The following TBC1D10B variants were observed in gnomAD, a reference collection of about 807,000 sequenced individuals.
TBC1D10B encodes the protein Rab27A-GAPbeta.
In TBC1D10B, 25 loss-of-function variants were observed where a neutral mutation model predicts 78.4. That is an observed-to-expected ratio of 0.32 (90% CI 0.23 to 0.45). The LOEUF (loss-of-function observed/expected upper bound fraction) is 0.45, where lower values mean the gene tolerates loss of function less well. TBC1D10B is among the 20% of genes least tolerant of loss of function. The probability of loss-of-function intolerance (pLI) is 1.00; values close to 1 mark genes in which losing one functional copy is unlikely to be tolerated. For missense variants in TBC1D10B, 996 were observed against 1,104.8 expected, an observed-to-expected ratio of 0.90 and a Z score of 1.40; for synonymous variants, 517 against 478.0, an observed-to-expected ratio of 1.08 and a Z score of -1.06.
In TBC1D10B at chr16:30,358,452, C is replaced by T. The variant is rs751571876; in HGVS notation, c.1919G>A (p.Arg640Gln). The T allele has an allele frequency of 1.3e-5, 20 of 1,590,960 alleles. No individual in the cohort carries two copies. Among genetic ancestry groups the T allele is most frequent in the Middle Eastern group, 1.7e-4 (1 of 6,030 alleles). ...CCGCCGGCGCTCCTCGTGGATGGCC[C>T]GGGACCCATGCAGTCGCCGTGAGGG... ...YRPSRRLHGS[R>Q]AIHEERRRQQ... The change falls in exon 9 of 9, where the codon CGG becomes CAG. Residue 640 changes from arginine (R) to glutamine (Q), a missense_variant. Arg to Gln is a conservative substitution (Grantham distance 43). Transcript: ENST00000409939.
In TBC1D10B at chr16:30,369,089, C is replaced by A. The variant is rs1196383014; in HGVS notation, c.956+139G>T. ...GCACCTCAGGATGCTCAAGACACGG[C>A]AGCTCGCGCTGATCACCCCGTGGAT... is the stretch of plus-strand genomic sequence containing the variant. On this transcript the variant is annotated intron_variant, in intron 1 of 8. Coordinates refer to ENST00000409939, the MANE Select transcript of TBC1D10B (RefSeq NM_015527.4). This position sits in a 1 kb window ranked among gnomAD's most constrained non-coding sequence, Gnocchi z 4.3. 7.9e-6 allele frequency: 7 copies of A among 885,360 alleles called. No individual in the cohort carries two copies. Among genetic ancestry groups the A allele is most frequent in the Admixed American group, 2.9e-5 (1 of 34,078 alleles). The allele number at this position is 885,360 out of a possible 1,614,324, so 54.8% of individuals were successfully genotyped here. A position where few individuals can be genotyped will look rare whatever the true frequency, so the allele number is the denominator to read the frequency against.
Position 30,369,746 on chromosome 16 carries a change from T to C in TBC1D10B, c.438A>G (p.Pro146=). The C allele has an allele frequency of 1.4e-6, 2 of 1,462,274 alleles. No individual in the cohort carries two copies. Among genetic ancestry groups the C allele is most frequent in the Non-Finnish European group, 1.8e-6 (2 of 1,104,626 alleles). 90.6% of individuals were successfully genotyped at this position (1,462,274 alleles called of 1,614,324 possible). The part of the protein sequence containing the change: ...EEARPSPAPG[P]GTPTGTPTRT... Reference sequence around the variant, plus strand: ...TGGTAGGGGTCCCGGTGGGGGTCCCTGGTCCTGGGGCGGGTGAGGGTCGAG... The same window carrying C: ...TGGTAGGGGTCCCGGTGGGGGTCCCCGGTCCTGGGGCGGGTGAGGGTCGAG... Residue 146 remains proline, a synonymous_variant, in exon 1 of 9, where the codon CCA becomes CCG. Coordinates refer to ENST00000409939, the MANE Select transcript of TBC1D10B (RefSeq NM_015527.4). The surrounding 1 kb of genome is among the most constrained non-coding windows in gnomAD (Gnocchi z 4.3).
Position 30,359,733 on chromosome 16 carries a change from A to T in TBC1D10B, c.1380T>A (p.Pro460=). 1 of 1,581,732 alleles carries T rather than the reference A, an allele frequency of 6.3e-7. No homozygotes were observed. Among genetic ancestry groups the T allele is most frequent in the South Asian group, 1.2e-5 (1 of 86,550 alleles). ...CCAGGACCAGGGCGCTGACCTCCGC[A>T]GGCATGTGCATGAGCAGGACCGCAG... The part of the protein sequence containing the change: ...PVAAVLLMHM[P]AEQAFWCLVQ... Residue 460 remains proline, a synonymous_variant, in exon 5 of 9, where the codon CCT becomes CCA. Coordinates refer to ENST00000409939, the MANE Select transcript of TBC1D10B (RefSeq NM_015527.4).
Position 30,365,708 on chromosome 16 carries a change from G to T in TBC1D10B, c.957-114C>A. 1 of 984,760 alleles carries T rather than the reference G, an allele frequency of 1.0e-6. No individual in the cohort carries two copies. The highest frequency in any genetic ancestry group is 1.6e-6 in the Non-Finnish European group (1 of 639,822). The allele number at this position is 984,760 out of a possible 1,614,324, so 61.0% of individuals were successfully genotyped here. On this transcript the variant is annotated intron_variant, in intron 1 of 8. Coordinates refer to ENST00000409939, the MANE Select transcript of TBC1D10B (RefSeq NM_015527.4). This position sits in a 1 kb window ranked among gnomAD's most constrained non-coding sequence, Gnocchi z 5.0. ...GCTCAAACGAGAAACTGGATAGTCT[G>T]TGAGCTGCCAAACATCAGGATGTCT...
rs1330072415 is a variant in TBC1D10B, at chr16:30,370,081, C to A, written c.103G>T (p.Val35Leu). The A allele has an allele frequency of 1.6e-6, 2 of 1,226,106 alleles. No individual in the cohort carries two copies. Among genetic ancestry groups the A allele is most frequent in the Non-Finnish European group, 2.0e-6 (2 of 984,360 alleles). 76.0% of individuals were successfully genotyped at this position (1,226,106 alleles called of 1,614,324 possible). ...GTCACTGGAGGTCCCGGAGCCACCA[C>A]CACGACGGGCCCGGCCCGGGAACCC... The part of the protein sequence containing the change: ...PRGSRAGPVV[V>L]VAPGPPVTTA... The change falls in exon 1 of 9, where the codon GTG becomes TTG. Residue 35 changes from valine to leucine, a missense_variant. By Grantham distance (32) the Val-to-Leu change is conservative. Around this residue, in one of 5 missense-constraint regions of TBC1D10B, gnomAD observed 448 missense variants for 442.1 expected, o/e 1.01. Coordinates refer to ENST00000409939, the MANE Select transcript of TBC1D10B (RefSeq NM_015527.4).
At position 30,358,324 on chromosome 16, in the gene TBC1D10B, C is replaced by G. The variant is rs188813224; in HGVS notation, c.2047G>C (p.Val683Leu). The G allele has an allele frequency of 2.6e-6, 4 of 1,564,702 alleles. No individual in the cohort carries two copies. The South Asian group carries it at 4.7e-5, about 18-fold the overall frequency. Residue 683 changes from valine to leucine, a missense_variant, in exon 9 of 9, where the codon GTC (valine) becomes CTC (leucine). By Grantham distance (32) the Val-to-Leu change is conservative (BLOSUM62 1). This residue lies in a region of TBC1D10B where 285 missense variants were observed against 252.5 expected (regional missense o/e 1.13). Coordinates refer to ENST00000409939, the MANE Select transcript of TBC1D10B (RefSeq NM_015527.4). ...GCAGGCCCAGCACTGGCTCTGCGGA[C>G]GGGGGGCGGCGGGGACGGGGCCCCT... ...AGGAPSPPPP[V>L]RRASAGPAPG...
At position 30,365,657 on chromosome 16, in the gene TBC1D10B, G is replaced by A; in HGVS notation, c.957-63C>T. ...ATAGTGTAAAACCTGCATTGCAGGG[G>A]GAACTGAGGCAAGCCACCTCCCCAA... On this transcript the variant is annotated intron_variant, in intron 1 of 8. Coordinates refer to ENST00000409939, the MANE Select transcript of TBC1D10B (RefSeq NM_015527.4). The surrounding 1 kb of genome is among the most constrained non-coding windows in gnomAD (Gnocchi z 5.0). The A allele has an allele frequency of 6.7e-7, 1 of 1,494,574 alleles. No individual in the cohort carries two copies. 92.6% of individuals were successfully genotyped at this position (1,494,574 alleles called of 1,614,324 possible). A position where few individuals can be genotyped will look rare whatever the true frequency, so the allele number is the denominator to read the frequency against.
In TBC1D10B at chr16:30,365,573, GT is replaced by G; in HGVS notation, c.977del (p.Asp326AlafsTer28). 6.2e-7 allele frequency: 1 copy of G among 1,613,950 alleles called. No individual in the cohort carries two copies. Among genetic ancestry groups the G allele is most frequent in the Non-Finnish European group, 8.5e-7 (1 of 1,179,882 alleles). On this transcript the variant is annotated frameshift_variant, in exon 2 of 9. Coordinates refer to ENST00000409939, the MANE Select transcript of TBC1D10B (RefSeq NM_015527.4). LOFTEE classifies it high-confidence loss of function. This position sits in a 1 kb window ranked among gnomAD's most constrained non-coding sequence, Gnocchi z 5.0. ...ATTTGAGCTCCCGCTGCCGAGCCAC[GT>G]CCACGGGAATGGAGCTCTCTCTGCA... Reference protein sequence around the residue: ...SGSLESSIPVDVARQRELKWL... With the variant: ...SGSLESSIPVXVARQRELKWL...
At chr16:30,360,289 C>T (rs2151101000) in intron 4 of TBC1D10B, 1 of 172,268 alleles carries the variant, frequency 5.8e-6, no homozygotes, top group Non-Finnish European at 1.3e-5. Context: ...GCCCTTTCTC[C>T]TGTCTCTGCA....
rs2049557657 is a variant in TBC1D10B at position 30,357,195 on chromosome 16, C to G, written c.*749G>C. The G allele has an allele frequency of 6.5e-6, 1 of 152,860 alleles. No homozygotes were observed. The highest frequency in any genetic ancestry group is 2.1e-4 in the South Asian group (1 of 4,838). The allele number at this position is 152,860 out of a possible 1,614,324, so 9.5% of individuals were successfully genotyped here. A position where few individuals can be genotyped will look rare whatever the true frequency, so the allele number is the denominator to read the frequency against. On this transcript the variant is annotated 3_prime_UTR_variant, in exon 9 of 9. Coordinates refer to ENST00000409939, the MANE Select transcript of TBC1D10B (RefSeq NM_015527.4). ...AGAATGTAAACATTGGGTTCCACCCCCTGGAGCTCAAGGGAAGACCCTTAC... is the reference window on the plus strand; with the variant it reads ...AGAATGTAAACATTGGGTTCCACCCGCTGGAGCTCAAGGGAAGACCCTTAC...
In TBC1D10B at chr16:30,357,788, G is replaced by A. The variant is rs985521231; in HGVS notation, c.*156C>T. The A allele has an allele frequency of 2.0e-5, 21 of 1,027,110 alleles. No homozygotes were observed. Among genetic ancestry groups the A allele is most frequent in the Admixed American group, 2.9e-5 (1 of 34,832 alleles). The allele number at this position is 1,027,110 out of a possible 1,614,324, so 63.6% of individuals were successfully genotyped here. On this transcript the variant is annotated 3_prime_UTR_variant, in exon 9 of 9. Transcript: ENST00000409939. ...TTGCAGCTGCCCATCTGTCCTGCCC[G>A]TGTAGGGATCAGCAGCTGGCGAGGA...
At chr16:30,359,415 G>C in intron 6 of TBC1D10B, 54 bp from the exon 7 acceptor site, 1 of 1,547,388 alleles carries the variant, frequency 6.5e-7, no homozygotes, top group East Asian at 2.4e-5. Flanking sequence ...GCCCCCATCA[G>C]GGGAGAACTG....
In TBC1D10B at chr16:30,358,121, C is replaced by A; in HGVS notation, c.2250G>T (p.Glu750Asp). 1 of 1,551,270 alleles carries A rather than the reference C, an allele frequency of 6.4e-7. No individual in the cohort carries two copies. Among genetic ancestry groups the A allele is most frequent in the Non-Finnish European group, 8.7e-7 (1 of 1,146,484 alleles). ...KEREKERQKQEKEREKQEKER... is the reference protein window; with the variant it reads ...KEREKERQKQDKEREKQEKER... ...CCTTTTCCTGCTTCTCTCGCTCTTT[C>A]TCCTGCTTCTGCCGCTCCTTCTCCC... is the stretch of plus-strand genomic sequence containing the variant. The change falls in exon 9 of 9, where the codon GAG becomes GAT. Residue 750 changes from glutamate to aspartate, a missense_variant. By Grantham distance (45) the Glu-to-Asp change is conservative. Transcript: ENST00000409939.
rs761563304 is a variant in TBC1D10B, at chr16:30,359,277, G to A, written c.1537C>T (p.Arg513Cys). Reference protein sequence around the residue: ...PLAHRHLRRQRIDPVLYMTEW... With the variant: ...PLAHRHLRRQCIDPVLYMTEW... ...GTCATGTAGAGCACAGGGTCAATGC[G>A]CTGCCGCCGCAGGTGGCGATGCGCC... The change falls in exon 7 of 9, where the codon CGC becomes TGC. Residue 513 changes from arginine (R) to cysteine (C), a missense_variant. Coordinates refer to ENST00000409939, the MANE Select transcript of TBC1D10B (RefSeq NM_015527.4). 5 of 1,608,564 alleles carry A rather than the reference G, an allele frequency of 3.1e-6. No homozygotes were observed. Among genetic ancestry groups the A allele is most frequent in the Non-Finnish European group, 4.2e-6 (5 of 1,177,694 alleles).
intron 7 of TBC1D10B, 142 bp downstream of exon 7, chr16:30,359,030 T>C: frequency 1.6e-6 from 2 of 1,266,592 alleles, no homozygotes; most frequent in South Asian, 3.1e-5. Context: ...ATCAGGCCTG[T>C]TTCTCCAGCC....
In TBC1D10B at chr16:30,365,591, C is replaced by T. The variant is rs771346471; in HGVS notation, c.960G>A (p.Glu320=). The change falls in exon 2 of 9, where the codon GAG becomes GAA. Residue 320 remains glutamate (E), a synonymous_variant. Transcript: ENST00000409939. The surrounding 1 kb of genome is among the most constrained non-coding windows in gnomAD (Gnocchi z 5.0). ...LGGSQYSGSL[E]SSIPVDVARQ... Reference sequence around the variant, plus strand: ...GAGCCACGTCCACGGGAATGGAGCTCTCTCTGCAGGGTCGGGGGAGCACGG... The same window carrying T: ...GAGCCACGTCCACGGGAATGGAGCTTTCTCTGCAGGGTCGGGGGAGCACGG... 1.1e-5 allele frequency: 18 copies of T among 1,613,934 alleles called. No individual in the cohort carries two copies. The highest frequency in any genetic ancestry group is 1.5e-5 in the Non-Finnish European group (18 of 1,179,886).
rs1388395242 is a variant in TBC1D10B at position 30,358,511 on chromosome 16, C to A, written c.1860G>T (p.Lys620Asn). ...IERENAAQLK[K>N]WRETRGELQY... ...GCAGCTCCCCCCGCGTTTCCCGCCA[C>A]TTCTTGAGCTGGGCTGCATTCTCCC... The change falls in exon 9 of 9, where the codon AAG becomes AAT. Residue 620 changes from lysine to asparagine, a missense_variant. Transcript: ENST00000409939. The A allele has an allele frequency of 6.2e-7, 1 of 1,610,598 alleles. No homozygotes were observed. Among genetic ancestry groups the A allele is most frequent in the Admixed American group, 1.7e-5 (1 of 59,642 alleles).
chr16:30,369,162 T>C lies in TBC1D10B; in HGVS notation c.956+66A>G. ...AGAGTCTGGGCAAAGTGTATCGTTT[T>C]CGTTTCGCCCTCCCCCAACCTTTGC... On this transcript the variant is annotated intron_variant, in intron 1 of 8. Coordinates refer to ENST00000409939, the MANE Select transcript of TBC1D10B (RefSeq NM_015527.4). This position sits in a 1 kb window ranked among gnomAD's most constrained non-coding sequence, Gnocchi z 4.3. The C allele has an allele frequency of 2.1e-6, 3 of 1,448,844 alleles. No individual in the cohort carries two copies. The highest frequency in any genetic ancestry group is 2.5e-5 in the Admixed American group (1 of 39,604). The allele number at this position is 1,448,844 out of a possible 1,614,324, so 89.7% of individuals were successfully genotyped here. A position where few individuals can be genotyped will look rare whatever the true frequency, so the allele number is the denominator to read the frequency against.
intron 7 of TBC1D10B, 57 bp from the exon 8 acceptor site, chr16:30,358,874 C>T: frequency 6.5e-7 from 1 of 1,540,770 alleles, no homozygotes; most frequent in Non-Finnish European, 8.8e-7. Context: ...CTCAGCCTGT[C>T]CTGATCAGGA....
Sources: gnomAD v4.1 joint callset for allele counts on GRCh38, gnomAD v4.1.1 for gene constraint, gnomAD v4.1.1 regional missense constraint, Gnocchi (gnomAD v3.1) non-coding constraint, MANE v1.5 for transcripts, NCBI Gene and HGNC (gene_info 2026-07-23, HGNC 2026-07-21) for gene names.